ZFPM2: variants seen among roughly 807,000 people sequenced by gnomAD.
The protein encoded by ZFPM2 is zinc finger protein ZFPM2.
A neutral mutation model predicts 98.6 loss-of-function variants in ZFPM2; 20 were observed. The ratio of observed to expected loss-of-function variants is 0.20; its 90% CI spans 0.14 to 0.29. The LOEUF (loss-of-function observed/expected upper bound fraction) is 0.29, where lower values mean the gene tolerates loss of function less well. Among genes scored for constraint, ZFPM2 ranks in the 10% least tolerant of loss-of-function variants. The pLI is 1.00. For missense variants in ZFPM2, 1,310 were observed against 1,388.6 expected, an observed-to-expected ratio of 0.94 and a Z score of 0.90; for synonymous variants, 518 against 502.7, an observed-to-expected ratio of 1.03 and a Z score of -0.41.
intron 4 of ZFPM2, among the ~76,000 whole-genome samples, chr8:105,581,675 T>C (rs1815603231): frequency 6.6e-6 from 1 of 152,178 alleles, no homozygotes; most frequent in Non-Finnish European, 1.5e-5. Context: ...CCAAGTTCAT[T>C]GTGCTAAAAT....
chr8:105,492,312 A>G (rs1813371112), intron 3 of ZFPM2, among the ~76,000 whole-genome samples: 2 of 152,162 alleles, frequency 1.3e-5, no homozygotes, highest in South Asian at 4.1e-4. Flanking sequence ...TTACATATGT[A>G]TTTCTCCAAC....
chr8:105,422,175 C>T (rs1310590716), intron 2 of ZFPM2, among the ~76,000 whole-genome samples: 3 of 151,802 alleles, frequency 2.0e-5, no homozygotes, highest in South Asian at 2.1e-4. Context: ...CGATGGCTGA[C>T]GCCTGTAATC....
intron 1 of ZFPM2, among the ~76,000 whole-genome samples, chr8:105,341,141 TGTA>T (rs1217080289): frequency 6.6e-6 from 1 of 151,910 alleles, no homozygotes; most frequent in Non-Finnish European, 1.5e-5. Context: ...GTTGGGATAA[TGTA>T]GTTACTAAGG....
chr8:105,521,275 A>C (rs956341688), intron 3 of ZFPM2, among the ~76,000 whole-genome samples: 1 of 152,082 alleles, frequency 6.6e-6, no homozygotes, highest in African/African-American at 2.4e-5. Context: ...GAAGATGGAA[A>C]GTAAATAGAA....
At chr8:105,480,429 T>C (rs1213761984) in intron 3 of ZFPM2, among the ~76,000 whole-genome samples, 1 of 152,204 alleles carries the variant, frequency 6.6e-6, no homozygotes, top group South Asian at 2.1e-4. Flanking sequence ...TCTCAGGTAT[T>C]GTCACCAGTA....
At chr8:105,408,906 G>A (rs1244272928) in intron 1 of ZFPM2, among the ~76,000 whole-genome samples, 4 of 151,808 alleles carry the variant, frequency 2.6e-5, no homozygotes, top group Non-Finnish European at 5.9e-5. Flanking sequence ...ATGTCATTTT[G>A]TTAGCCACGT....
chr8:105,396,647 T>C (rs1212983854), intron 1 of ZFPM2, among the ~76,000 whole-genome samples: 2 of 152,210 alleles, frequency 1.3e-5, no homozygotes, highest in Admixed American at 1.3e-4. Flanking sequence ...AGCATAAATA[T>C]CTTCCGTTAG....
At chr8:105,445,648 A>T (rs1812352653) in intron 3 of ZFPM2, among the ~76,000 whole-genome samples, 2 of 151,870 alleles carry the variant, frequency 1.3e-5, no homozygotes, top group Admixed American at 1.3e-4. Context: ...TCTGTTGCCC[A>T]GTCTGGGGTG....
chr8:105,595,387 T>C (rs543145342), intron 4 of ZFPM2, among the ~76,000 whole-genome samples: 1 of 152,058 alleles, frequency 6.6e-6, no homozygotes, highest in Non-Finnish European at 1.5e-5. Flanking sequence ...CCAAAAGAGC[T>C]GGACCAGATG....
chr8:105,612,907 C>T (rs1485388848), intron 4 of ZFPM2, among the ~76,000 whole-genome samples: 1 of 152,080 alleles, frequency 6.6e-6, no homozygotes, highest in African/African-American at 2.4e-5. Flanking sequence ...TGATCATTTT[C>T]CTGGCTTCTA....
At position 105,634,282 on chromosome 8, in the gene ZFPM2, G is replaced by T; in HGVS notation, c.457G>T (p.Gly153Cys). The part of the protein sequence containing the change: ...KAQVPMVLTA[G>C]PKWLLDVTWQ... ...TCAGGTCCCAATGGTGCTGACTGCT[G>T]GTCCCAAGTGGTTGCTGGATGTGAC... The change falls in exon 5 of 8, where the codon GGT becomes TGT. Residue 153 changes from glycine to cysteine, a missense_variant. By Grantham distance (159) the Gly-to-Cys change is radical. Coordinates refer to ENST00000407775, the MANE Select transcript of ZFPM2 (RefSeq NM_012082.4). 6.2e-7 allele frequency: 1 copy of T among 1,612,956 alleles called. No individual in the cohort carries two copies. The highest frequency in any genetic ancestry group is 8.5e-7 in the Non-Finnish European group (1 of 1,179,452).
rs1392453061 is a variant in ZFPM2, at chr8:105,716,378, T to C, written c.533-72340T>C. Among the ~76,000 whole-genome samples, 21 of 151,918 alleles carry C rather than the reference T, an allele frequency of 1.4e-4. No homozygotes were observed. The East Asian group carries it at 3.7e-3, about 27-fold the overall frequency. On this transcript the variant is annotated intron_variant, in intron 5 of 7. Coordinates refer to ENST00000407775, the MANE Select transcript of ZFPM2 (RefSeq NM_012082.4). ...GAATGTCTACTAAACTTGTTATATGTATTTATATATAAAACCAGTTTATAC... is the reference window on the plus strand; with the variant it reads ...GAATGTCTACTAAACTTGTTATATGCATTTATATATAAAACCAGTTTATAC...
intron 3 of ZFPM2, among the ~76,000 whole-genome samples, chr8:105,470,585 C>T (rs1812882709): frequency 6.6e-6 from 1 of 152,034 alleles, no homozygotes; most frequent in South Asian, 2.1e-4. Flanking sequence ...TGAGATCAGC[C>T]TGGACAAAAT....
At chr8:105,725,863 T>A (rs2131004727) in intron 5 of ZFPM2, among the ~76,000 whole-genome samples, 1 of 151,798 alleles carries the variant, frequency 6.6e-6, no homozygotes, top group Non-Finnish European at 1.5e-5. Context: ...CAGTTTTAGC[T>A]TAATTTGTGG....
At chr8:105,677,306 G>T (rs902329689) in intron 5 of ZFPM2, among the ~76,000 whole-genome samples, 5 of 151,814 alleles carry the variant, frequency 3.3e-5, no homozygotes, top group African/African-American at 1.2e-4. Flanking sequence ...TACAAATGAG[G>T]TTGAGGTAGA....
At chr8:105,700,102 T>C (rs1442333) in intron 5 of ZFPM2, among the ~76,000 whole-genome samples, 13,599 of 152,188 alleles carry the variant, frequency 0.089, 870 homozygotes, top group African/African-American at 0.19. Context: ...AAAACACTAC[T>C]TAATGGAAGT....
intron 6 of ZFPM2, 183 bp downstream of exon 6, chr8:105,789,107 TAA>T (rs1813514590): frequency 1.8e-6 from 1 of 559,616 alleles, no homozygotes; most frequent in African/African-American, 1.9e-5. Flanking sequence ...TTTTATACTT[TAA>T]GTTTTAGGAT....
chr8:105,799,072 C>A, intron 7 of ZFPM2, 124 bp downstream of exon 7: 1 of 877,280 alleles, frequency 1.1e-6, no homozygotes, highest in Non-Finnish European at 1.7e-6. Context: ...CAAAATCAAA[C>A]TTTCTGGGTC....
chr8:105,358,073 G>A (rs1402263127), intron 1 of ZFPM2, among the ~76,000 whole-genome samples: 2 of 152,138 alleles, frequency 1.3e-5, no homozygotes, highest in African/African-American at 2.4e-5. Flanking sequence ...AACAAATTCT[G>A]CATTCATTTT....
Sources: allele counts gnomAD v4.1 joint callset (sites outside exome capture counted in the v4.1 genomes callset), GRCh38; gene constraint gnomAD v4.1.1; transcripts MANE v1.5; gene names NCBI Gene and HGNC (gene_info 2026-07-23, HGNC 2026-07-21).